TENM3: variants seen among roughly 807,000 people sequenced by gnomAD.
TENM3 encodes the protein teneurin-3.
TENM3 carries 63 observed loss-of-function variants against 255.1 expected under a neutral mutation model. That is an observed-to-expected ratio of 0.25 (90% CI 0.20 to 0.30). The LOEUF is 0.30. Among genes scored for constraint, TENM3 ranks in the 10% least tolerant of loss-of-function variants. The pLI is 1.00. For missense variants in TENM3, 2,929 were observed against 3,461.1 expected, an observed-to-expected ratio of 0.85 and a Z score of 3.86; for synonymous variants, 1,306 against 1,322.3, an observed-to-expected ratio of 0.99 and a Z score of 0.27.
intron 3 of TENM3, among the ~76,000 whole-genome samples, chr4:182,544,431 A>G (rs895454246): frequency 4.7e-5 from 7 of 147,466 alleles, no homozygotes; most frequent in South Asian, 2.2e-4. Context: ...CCCGGGTTCA[A>G]GCGACTCTCC....
rs1021240103 is a variant in TENM3, at chr4:182,184,576, T to C, written c.-76+39822T>C. Among the ~76,000 whole-genome samples the C allele has an allele frequency of 6.6e-5, 10 of 151,690 alleles. No individual in the cohort carries two copies. The East Asian group carries it at 1.9e-3, about 30-fold the overall frequency. On this transcript the variant is annotated intron_variant, in intron 1 of 2. Transcript: ENST00000512480. ...TTTTTAGTGTCTGAAAAAATTAAAA[T>C]GTTTTAAAATTTAGCCAAACCTTTT...
chr4:182,211,461 G>A (rs900782635), intron 1 of TENM3, among the ~76,000 whole-genome samples: 3 of 152,072 alleles, frequency 2.0e-5, no homozygotes, highest in African/African-American at 7.2e-5. Context: ...GCTTAATTAT[G>A]TACAGAAATG....
the TENM3 span, among the ~76,000 whole-genome samples, chr4:182,009,208 C>A: frequency 6.6e-6 from 1 of 152,034 alleles, no homozygotes; most frequent in African/African-American, 2.4e-5. Flanking sequence ...AGGGTCTCAT[C>A]CAGTTGGGTG....
At chr4:181,977,180 A>G in the TENM3 span, among the ~76,000 whole-genome samples, 1 of 152,188 alleles carries the variant, frequency 6.6e-6, no homozygotes, top group Non-Finnish European at 1.5e-5. Context: ...GGTTTCCTCA[A>G]CTGTGAAATA....
chr4:181,969,434 A>G, the TENM3 span, among the ~76,000 whole-genome samples: 2 of 152,182 alleles, frequency 1.3e-5, no homozygotes, highest in Admixed American at 1.3e-4. Flanking sequence ...GGGAATATTG[A>G]TATATATTGA....
the TENM3 span, among the ~76,000 whole-genome samples, chr4:181,479,497 C>T: frequency 5.3e-5 from 8 of 152,136 alleles, no homozygotes; most frequent in Non-Finnish European, 8.8e-5. Flanking sequence ...TCATTTAAGT[C>T]ATACTGGACC....
chr4:181,720,027 G>A, the TENM3 span, among the ~76,000 whole-genome samples: 3 of 152,150 alleles, frequency 2.0e-5, no homozygotes, highest in Non-Finnish European at 4.4e-5. Flanking sequence ...ATACCTTAAT[G>A]TGCTGGATAA....
At chr4:181,605,480 G>GAAAGAA in the TENM3 span, among the ~76,000 whole-genome samples, 14 of 63,972 alleles carry the variant, frequency 2.2e-4, 1 homozygote, top group African/African-American at 8.8e-4. Flanking sequence ...GAGAGAAACA[G>GAAAGAA]AGAAAGAAAG....
At chr4:181,682,076 C>T in the TENM3 span, among the ~76,000 whole-genome samples, 1 of 152,066 alleles carries the variant, frequency 6.6e-6, no homozygotes, top group Non-Finnish European at 1.5e-5. Flanking sequence ...CTGCTAAATG[C>T]GAATCATCAG....
At chr4:181,773,692 T>A in the TENM3 span, among the ~76,000 whole-genome samples, 1 of 152,230 alleles carries the variant, frequency 6.6e-6, no homozygotes, top group Non-Finnish European at 1.5e-5. Flanking sequence ...GGGTGAGGTC[T>A]GTTGTGTTTA....
chr4:182,139,781 G>A (rs1749266977), upstream of TENM3, among the ~76,000 whole-genome samples: 1 of 152,210 alleles, frequency 6.6e-6, no homozygotes. Flanking sequence ...GAGCCCCTGG[G>A]TGGTGCTACG....
chr4:182,387,254 C>G (rs1194795711), intron 3 of TENM3, among the ~76,000 whole-genome samples: 2 of 152,210 alleles, frequency 1.3e-5, no homozygotes, highest in Non-Finnish European at 2.9e-5. Flanking sequence ...GTGTTTAGCT[C>G]AAGCTTTGTG....
the TENM3 span, among the ~76,000 whole-genome samples, chr4:181,993,314 T>C: frequency 3.6e-3 from 544 of 152,296 alleles, 6 homozygotes; most frequent in African/African-American, 0.012. Context: ...ATTATGTTCC[T>C]ATTAAAGGGT....
the TENM3 span, among the ~76,000 whole-genome samples, chr4:181,618,098 G>A: frequency 1.3e-5 from 2 of 152,240 alleles, no homozygotes; most frequent in South Asian, 2.1e-4. Context: ...TGCAGTCAAC[G>A]GCTCAGGTTT....
the TENM3 span, among the ~76,000 whole-genome samples, chr4:181,706,665 G>A: frequency 3.9e-5 from 6 of 152,098 alleles, no homozygotes; most frequent in South Asian, 2.1e-4. Context: ...ACAAACAGGC[G>A]AAGGAAGCTG....
chr4:182,586,938 C>T (rs1342688619), intron 3 of TENM3, among the ~76,000 whole-genome samples: 1 of 152,080 alleles, frequency 6.6e-6, no homozygotes, highest in Non-Finnish European at 1.5e-5. Context: ...TCTGTGTGCT[C>T]TTCAATTATT....
the TENM3 span, among the ~76,000 whole-genome samples, chr4:182,066,866 G>A: frequency 1.9e-4 from 29 of 152,070 alleles, 1 homozygote; most frequent in Non-Finnish European, 3.7e-4. Context: ...AGCCGAGATC[G>A]CACCGCTGCA....
intron 1 of TENM3, among the ~76,000 whole-genome samples, chr4:182,323,422 A>T (rs75853066): frequency 6.5e-5 from 6 of 92,332 alleles, no homozygotes; most frequent in African/African-American, 3.5e-4. Context: ...AGATATATTA[A>T]AAAAAAAAAA....
At chr4:181,979,371 C>T in the TENM3 span, among the ~76,000 whole-genome samples, 7 of 151,698 alleles carry the variant, frequency 4.6e-5, no homozygotes, top group South Asian at 8.3e-4. Flanking sequence ...CCTGTTATAG[C>T]TCTACTTTTA....
Sources: gnomAD v4.1 joint callset for allele counts (sites outside exome capture counted in the v4.1 genomes callset) on GRCh38, gnomAD v4.1.1 for gene constraint, MANE v1.5 for transcripts, NCBI Gene and HGNC (gene_info 2026-07-23, HGNC 2026-07-21) for gene names.